SGCZ: variants seen among roughly 807,000 people sequenced by gnomAD.
SGCZ encodes the protein zeta-sarcoglycan.
SGCZ carries 40 observed loss-of-function variants against 41.3 expected under a neutral mutation model. The ratio of observed to expected loss-of-function variants is 0.97; its 90% CI spans 0.75 to 1.26. The LOEUF is 1.26. Among genes scored for constraint, SGCZ ranks in the 50% most tolerant of loss-of-function variants. The pLI is 0.00. For missense variants in SGCZ, 552 were observed against 369.8 expected, an observed-to-expected ratio of 1.49 and a Z score of -4.04; for synonymous variants, 206 against 137.5, an observed-to-expected ratio of 1.50 and a Z score of -3.49.
intron 1 of SGCZ, among the ~76,000 whole-genome samples, chr8:14,756,395 G>C (rs183279863): frequency 2.8e-4 from 43 of 152,186 alleles, no homozygotes; most frequent in African/African-American, 1.0e-3. Flanking sequence ...ATGTTGGTCA[G>C]GCTGGTCTCA....
At chr8:14,932,757 C>T (rs1007068623) in intron 1 of SGCZ, among the ~76,000 whole-genome samples, 1 of 152,014 alleles carries the variant, frequency 6.6e-6, no homozygotes, top group African/African-American at 2.4e-5. Flanking sequence ...AAACTTTCCA[C>T]TCCAAAACAA....
At chr8:14,492,901 T>C (rs1801881733) in intron 2 of SGCZ, among the ~76,000 whole-genome samples, 1 of 152,192 alleles carries the variant, frequency 6.6e-6, no homozygotes, top group African/African-American at 2.4e-5. Flanking sequence ...CCATTTCCAA[T>C]CACCAAGTCT....
intron 2 of SGCZ, among the ~76,000 whole-genome samples, chr8:14,384,433 T>C (rs1804492423): frequency 6.6e-6 from 1 of 152,154 alleles, no homozygotes; most frequent in African/African-American, 2.4e-5. Flanking sequence ...AATACTATGT[T>C]TTGAGAAATT....
intron 4 of SGCZ, among the ~76,000 whole-genome samples, chr8:14,177,453 C>A (rs983230680): frequency 6.6e-6 from 1 of 152,136 alleles, no homozygotes; most frequent in Non-Finnish European, 1.5e-5. Flanking sequence ...GGTTAACCTA[C>A]AAGTATAGAG....
intron 2 of SGCZ, among the ~76,000 whole-genome samples, chr8:14,442,982 G>A (rs921331038): frequency 6.6e-6 from 1 of 151,942 alleles, no homozygotes; most frequent in Admixed American, 6.6e-5. Flanking sequence ...CAAAATCAAT[G>A]TACAAAAATC....
chr8:14,589,269 C>A (rs558521373), intron 1 of SGCZ, among the ~76,000 whole-genome samples: 5 of 150,478 alleles, frequency 3.3e-5, no homozygotes, highest in African/African-American at 1.2e-4. Context: ...TTGTTTGAAT[C>A]TGGGAGGTGA....
At chr8:14,604,467 T>C (rs917864948) in intron 1 of SGCZ, among the ~76,000 whole-genome samples, 3 of 152,204 alleles carry the variant, frequency 2.0e-5, no homozygotes, top group Non-Finnish European at 2.9e-5. Context: ...GTATTCATTT[T>C]AATTATTGAG....
chr8:14,969,026 A>G (rs1428841809), intron 1 of SGCZ, among the ~76,000 whole-genome samples: 2 of 152,076 alleles, frequency 1.3e-5, no homozygotes, highest in Non-Finnish European at 2.9e-5. Context: ...TTGTGCTACT[A>G]ATACTAATCT....
chr8:14,851,368 CAAAAAAAAAAAAA>C (rs369090223), intron 1 of SGCZ, among the ~76,000 whole-genome samples: 3 of 61,908 alleles, frequency 4.8e-5, no homozygotes, highest in African/African-American at 6.3e-5. Context: ...GACTCCATCT[CAAAAAAAAAAAAA>C]AAAAAAAAAG....
chr8:15,004,368 AG>A (rs1384713653), intron 1 of SGCZ, among the ~76,000 whole-genome samples: 1 of 152,146 alleles, frequency 6.6e-6, no homozygotes, highest in Non-Finnish European at 1.5e-5. Context: ...CCGCAAGCCT[AG>A]GGTGGATACT....
intron 1 of SGCZ, among the ~76,000 whole-genome samples, chr8:14,625,379 A>G (rs1231758328): frequency 6.6e-6 from 1 of 152,140 alleles, no homozygotes; most frequent in East Asian, 1.9e-4. Context: ...AGGAAAACAG[A>G]CAAATTGTAT....
At chr8:14,980,414 T>G (rs567767794) in intron 1 of SGCZ, among the ~76,000 whole-genome samples, 1 of 152,338 alleles carries the variant, frequency 6.6e-6, no homozygotes, top group Admixed American at 6.5e-5. Context: ...TATTACATTT[T>G]TATGTTTGTC....
chr8:15,185,624 T>C (rs1205533024), intron 1 of SGCZ, among the ~76,000 whole-genome samples: 4 of 152,154 alleles, frequency 2.6e-5, no homozygotes, highest in African/African-American at 9.7e-5. Flanking sequence ...AGGGCTACCA[T>C]CTTGGACAGC....
chr8:14,503,499 G>T (rs773974085), intron 2 of SGCZ, among the ~76,000 whole-genome samples: 3 of 152,154 alleles, frequency 2.0e-5, no homozygotes, highest in African/African-American at 4.8e-5. Flanking sequence ...GCCAGTCTCA[G>T]TGGCTCATGC....
chr8:14,181,456 C>A (rs974952041), intron 4 of SGCZ, among the ~76,000 whole-genome samples: 1 of 152,156 alleles, frequency 6.6e-6, no homozygotes, highest in African/African-American at 2.4e-5. Flanking sequence ...AGGTGGGCAT[C>A]CCCCATCCCC....
chr8:14,320,457 CTAT>C (rs1432873747), intron 3 of SGCZ, among the ~76,000 whole-genome samples: 3 of 150,026 alleles, frequency 2.0e-5, no homozygotes, highest in Non-Finnish European at 3.0e-5. Flanking sequence ...ATTATTATTA[CTAT>C]TATTATTATA....
At chr8:14,541,226 T>C (rs1018583074) in intron 2 of SGCZ, among the ~76,000 whole-genome samples, 3 of 152,022 alleles carry the variant, frequency 2.0e-5, no homozygotes, top group African/African-American at 7.2e-5. Context: ...GGTGGTTTGC[T>C]GCACCTATCA....
At chr8:14,876,934 C>G (rs564158232) in intron 1 of SGCZ, among the ~76,000 whole-genome samples, 2 of 152,220 alleles carry the variant, frequency 1.3e-5, no homozygotes, top group East Asian at 1.9e-4. Flanking sequence ...ACTGATGACT[C>G]TTAGAGATTA....
intron 1 of SGCZ, among the ~76,000 whole-genome samples, chr8:15,196,253 G>A (rs1800729129): frequency 6.6e-6 from 1 of 152,162 alleles, no homozygotes; most frequent in Admixed American, 6.5e-5. Flanking sequence ...TAAATCAGAT[G>A]CCACTGTTTT....
Sources: gnomAD v4.1 joint callset for allele counts (sites outside exome capture counted in the v4.1 genomes callset) on GRCh38, gnomAD v4.1.1 for gene constraint, MANE v1.5 for transcripts, NCBI Gene and HGNC (gene_info 2026-07-23, HGNC 2026-07-21) for gene names.